The following RAB28 variants were observed in gnomAD, a reference collection of about 807,000 sequenced individuals.
RAB28 encodes ras-related protein Rab-28.
A neutral mutation model predicts 31.7 loss-of-function variants in RAB28; 24 were observed. The ratio of observed to expected loss-of-function variants is 0.76; its 90% CI spans 0.55 to 1.06. The LOEUF (loss-of-function observed/expected upper bound fraction) is 1.06, where lower values mean the gene tolerates loss of function less well. RAB28 is among the 50% of genes least tolerant of loss of function. The pLI is 0.00. For missense variants in RAB28, 254 were observed against 258.5 expected (o/e 0.98, Z 0.12); for synonymous variants, 100 against 90.4 (o/e 1.11, Z -0.60).
chr4:13,442,017 A>G (rs563884584), intron 4 of RAB28, among the ~76,000 whole-genome samples: 1 of 152,368 alleles, frequency 6.6e-6, no homozygotes, highest in African/African-American at 2.4e-5. Context: ...ACGTTTTAAA[A>G]TCAAATTTAT....
chr4:13,378,587 T>A (rs1454423140), intron 5 of RAB28, among the ~76,000 whole-genome samples: 2 of 152,108 alleles, frequency 1.3e-5, no homozygotes, highest in Non-Finnish European at 2.9e-5. Flanking sequence ...ATTTTCTGTG[T>A]TGAAAGAATA....
intron 6 of RAB28, chr4:13,370,109 TCA>T (rs1728664500): frequency 1.4e-5 from 20 of 1,410,068 alleles, no homozygotes; most frequent in South Asian, 3.3e-5. Context: ...TAAACATGTC[TCA>T]CACACACACG....
At chr4:13,376,673 A>G in intron 5 of RAB28, 51 bp from the exon 6 acceptor site, 1 of 1,224,904 alleles carries the variant, frequency 8.2e-7, no homozygotes, top group Non-Finnish European at 1.2e-6. Flanking sequence ...TGCTTAAGTT[A>G]TCTTCAAATA....
chr4:13,419,706 G>C (rs1439960487), intron 4 of RAB28, among the ~76,000 whole-genome samples: 2 of 152,130 alleles, frequency 1.3e-5, no homozygotes, highest in Admixed American at 6.6e-5. Flanking sequence ...AAACCAATGA[G>C]AACAAAGACA....
intron 3 of RAB28, among the ~76,000 whole-genome samples, chr4:13,467,263 T>G (rs1715904310): frequency 6.6e-6 from 1 of 151,852 alleles, no homozygotes; most frequent in South Asian, 2.1e-4. Context: ...TGATAAATCA[T>G]AACATCACTC....
At chr4:13,456,551 C>T (rs1560139652) in intron 4 of RAB28, among the ~76,000 whole-genome samples, 1 of 152,138 alleles carries the variant, frequency 6.6e-6, no homozygotes, top group Admixed American at 6.5e-5. Flanking sequence ...CGTAAAGTAA[C>T]TTGTATGATG....
In RAB28 at chr4:13,420,569, C is replaced by T. The variant is rs538176132; in HGVS notation, c.392-38975G>A. The stretch of plus-strand genomic sequence containing the variant: ...AAAAGCTTATCCACCAAGATCAAGT[C>T]GGCTTCATCCCTGGGATGCAAAGCT... On this transcript the variant is annotated intron_variant, in intron 4 of 6. Coordinates refer to ENST00000330852, the MANE Select transcript of RAB28 (RefSeq NM_001017979.3). 1.2e-3 allele frequency among the ~76,000 whole-genome samples: 183 copies of T among 152,226 alleles called. 3 individuals carry two copies. The highest frequency in any genetic ancestry group is 4.1e-3 in the African/African-American group (170 of 41,542).
At chr4:13,369,816 T>C in intron 6 of RAB28, 1 of 1,506,572 alleles carries the variant, frequency 6.6e-7, no homozygotes, top group Non-Finnish European at 9.0e-7. Flanking sequence ...CAAGATAGCA[T>C]TCAATGGTTC....
chr4:13,409,837 A>G (rs926227580), intron 4 of RAB28, among the ~76,000 whole-genome samples: 10 of 152,200 alleles, frequency 6.6e-5, no homozygotes, highest in African/African-American at 2.4e-4. Context: ...GTGCCACCAC[A>G]GAAAGAAACA....
chr4:13,446,955 T>G (rs950912059), intron 4 of RAB28, among the ~76,000 whole-genome samples: 5 of 152,156 alleles, frequency 3.3e-5, no homozygotes, highest in African/African-American at 1.2e-4. Context: ...CTATTCCTCT[T>G]AACAGTTTTA....
At chr4:13,410,844 T>G (rs73229667) in intron 4 of RAB28, among the ~76,000 whole-genome samples, 2,093 of 152,234 alleles carry the variant, frequency 0.014, 23 homozygotes, top group Middle Eastern at 0.044. Flanking sequence ...TGTATTGTTC[T>G]GGTTAATTTA....
At chr4:13,389,239 G>A (rs1187459524) in intron 4 of RAB28, among the ~76,000 whole-genome samples, 1 of 152,102 alleles carries the variant, frequency 6.6e-6, no homozygotes, top group East Asian at 1.9e-4. Flanking sequence ...CCACTCTTAT[G>A]AGGTTAACTA....
intron 4 of RAB28, among the ~76,000 whole-genome samples, chr4:13,449,297 A>G (rs915466991): frequency 6.6e-6 from 1 of 152,064 alleles, no homozygotes; most frequent in East Asian, 1.9e-4. Context: ...TGAAGACTCA[A>G]AAGAGTCACA....
At chr4:13,483,953 A>T in intron 1 of RAB28, 123 bp downstream of exon 1, 1 of 891,442 alleles carries the variant, frequency 1.1e-6, no homozygotes, top group Non-Finnish European at 1.7e-6. Context: ...ACACAACCAG[A>T]AGGGCCCGGG....
intron 4 of RAB28, among the ~76,000 whole-genome samples, chr4:13,420,252 G>A (rs545140861): frequency 8.5e-5 from 13 of 152,172 alleles, no homozygotes; most frequent in African/African-American, 2.9e-4. Flanking sequence ...CTCTGAGCCT[G>A]AGGCAATAAT....
chr4:13,388,717 T>A (rs1467306016), intron 4 of RAB28, among the ~76,000 whole-genome samples: 1 of 151,950 alleles, frequency 6.6e-6, no homozygotes. Context: ...GAATAGATAT[T>A]TCCTCAAAGA....
chr4:13,435,534 A>C (rs1714049587), intron 4 of RAB28, among the ~76,000 whole-genome samples: 1 of 152,222 alleles, frequency 6.6e-6, no homozygotes, highest in South Asian at 2.1e-4. Context: ...CAGAAATGCC[A>C]AAGGTAACAT....
intron 4 of RAB28, among the ~76,000 whole-genome samples, chr4:13,425,336 C>T (rs1402717256): frequency 6.6e-6 from 1 of 152,120 alleles, no homozygotes; most frequent in Non-Finnish European, 1.5e-5. Context: ...AGCAAGCAGG[C>T]AATTGATTCT....
chr4:13,484,060 C>A lies in RAB28; in HGVS notation c.75+16G>T, dbSNP rs757358171. 6 of 1,583,586 alleles carry A rather than the reference C, an allele frequency of 3.8e-6. No individual in the cohort carries two copies. Among genetic ancestry groups the A allele is most frequent in the Non-Finnish European group, 5.1e-6 (6 of 1,165,532 alleles). ...TTCCTGCAGGCCTGGGACGGCGGGCCTGCTCGAGGACTGACCTTCCCGGAG... is the reference window on the plus strand; with the variant it reads ...TTCCTGCAGGCCTGGGACGGCGGGCATGCTCGAGGACTGACCTTCCCGGAG... On this transcript the variant is annotated intron_variant, in intron 1 of 6. Coordinates refer to ENST00000330852, the MANE Select transcript of RAB28 (RefSeq NM_001017979.3).
Sources: allele counts gnomAD v4.1 joint callset (sites outside exome capture counted in the v4.1 genomes callset), GRCh38; gene constraint gnomAD v4.1.1; transcripts MANE v1.5; gene names NCBI Gene and HGNC (gene_info 2026-07-23, HGNC 2026-07-21).